Variants in PKLR observed in about 807,000 individuals in gnomAD.
PKLR encodes the protein pyruvate kinase PKLR.
Under a neutral mutation model 53.6 loss-of-function variants are expected in PKLR, and 38 were observed. That is an observed-to-expected ratio of 0.71 (90% CI 0.55 to 0.93). The LOEUF is 0.93. PKLR is among the 40% of genes least tolerant of loss of function. PKLR has a pLI of 0.00. For synonymous variants in PKLR, 328 were observed against 316.2 expected, an observed-to-expected ratio of 1.04 and a Z score of -0.39; for missense variants, 702 against 787.3, an observed-to-expected ratio of 0.89 and a Z score of 1.30.
chr1:155,297,756 A>G (rs111738373), intron 2 of PKLR, among the ~76,000 whole-genome samples: 10 of 152,150 alleles, frequency 6.6e-5, no homozygotes, highest in African/African-American at 2.4e-4. Context: ...CTGTCCGTAC[A>G]CAGTCTCTTC....
intron 1 of PKLR, chr1:155,301,043 G>A (rs1194304847): frequency 6.5e-7 from 1 of 1,543,930 alleles, no homozygotes; most frequent in Non-Finnish European, 8.8e-7. Context: ...CTGTATGCCA[G>A]GGGCCAGAGT....
chr1:155,302,371 G>A (rs1477632734), upstream of PKLR, among the ~76,000 whole-genome samples: 5 of 151,764 alleles, frequency 3.3e-5, no homozygotes, highest in East Asian at 9.7e-4. Context: ...TGAGTAGCTG[G>A]GATTACAGGC....
At chr1:155,300,323 T>A in intron 1 of PKLR, 43 bp from the exon 2 acceptor site, 1 of 1,502,388 alleles carries the variant, frequency 6.7e-7, no homozygotes, top group Non-Finnish European at 9.1e-7. Context: ...CACCTGCCCT[T>A]CCTCCCCATG....
rs1674485712 is a variant in PKLR, at chr1:155,290,576, G to A, written c.1721C>T (p.Ser574Phe). ...YTNIMRVLSI[S>F] ...GCCAGAGGAGGGAGGGGCGTCTCAG[G>A]ATATGCTTAGCACCCGCATGATGTT... Residue 574 changes from serine to phenylalanine, a missense_variant, in exon 11 of 11, where the codon TCC (serine) becomes TTC (phenylalanine). Physicochemically the swap from Ser to Phe is radical, Grantham distance 155. Around this residue, in one of 2 missense-constraint regions of PKLR, gnomAD observed 183 missense variants for 250.2 expected, o/e 0.73. Transcript: ENST00000342741. The A allele has an allele frequency of 6.3e-7, 1 of 1,598,990 alleles. No individual in the cohort carries two copies. Among genetic ancestry groups the A allele is most frequent in the East Asian group, 2.2e-5 (1 of 44,766 alleles).
chr1:155,290,222 T>C lies in PKLR; in HGVS notation c.*350A>G, dbSNP rs539994036. 2 of 329,176 alleles carry C rather than the reference T, an allele frequency of 6.1e-6. No homozygotes were observed. Among genetic ancestry groups the C allele is most frequent in the Admixed American group, 4.2e-5 (1 of 23,954 alleles). 20.4% of individuals were successfully genotyped at this position (329,176 alleles called of 1,614,324 possible). ...CTCTCCCCCACCCCAAGGGATGGGA[T>C]GCCTGGGGTTATGGAATTAACCAGC... On this transcript the variant is annotated 3_prime_UTR_variant, in exon 11 of 11. Coordinates refer to ENST00000342741, the MANE Select transcript of PKLR (RefSeq NM_000298.6).
intron 10 of PKLR, 103 bp from the exon 11 acceptor site, chr1:155,290,781 G>A (rs758027141): frequency 1.9e-5 from 14 of 739,976 alleles, no homozygotes; most frequent in African/African-American, 1.0e-4. Flanking sequence ...CTGAGGTCAG[G>A]AGTTTGAGAC....
upstream of PKLR, among the ~76,000 whole-genome samples, chr1:155,303,922 G>A (rs904021965): frequency 2.6e-5 from 4 of 152,158 alleles, no homozygotes; most frequent in East Asian, 1.9e-4. Flanking sequence ...CCATGGCGGC[G>A]GGGCGGGGGC....
intron 1 of PKLR, chr1:155,300,971 C>T: frequency 6.4e-7 from 1 of 1,568,086 alleles, no homozygotes. Context: ...CCCAGCTGGG[C>T]TGGGGATCAG....
At chr1:155,300,988 A>G in intron 1 of PKLR, 1 of 1,557,200 alleles carries the variant, frequency 6.4e-7, no homozygotes, top group Non-Finnish European at 8.7e-7. Context: ...TCAGTTCTGC[A>G]GACTGGTTAA....
At position 155,291,986 on chromosome 1, in the gene PKLR, C is replaced by T. The variant is rs3762272; in HGVS notation, c.1437-49G>A. ...CCCAGAACAGCAAGAAAGTGGTGAA[C>T]GAGGAAAGGAGAATCTTTGTTCCAG... On this transcript the variant is annotated intron_variant, in intron 9 of 10. Transcript: ENST00000342741. The T allele has an allele frequency of 0.056, 87,167 of 1,563,796 alleles. 15,901 individuals carry two copies. The East Asian group carries it at 0.7, about 13-fold the overall frequency.
At position 155,300,266 on chromosome 1, in the gene PKLR, G is replaced by T; in HGVS notation, c.115C>A (p.Leu39Met). The change falls in exon 2 of 11, where the codon CTG (leucine) becomes ATG (methionine). Residue 39 changes from leucine to methionine, a missense_variant. Around this residue, in one of 2 missense-constraint regions of PKLR, gnomAD observed 519 missense variants for 537.1 expected, o/e 0.97. Transcript: ENST00000342741. ...AGTTGGGCCACACTGGCCCGCCGCAGATACCCCGCTGGCCCTGTGGTAGAA... is the reference window on the plus strand; with the variant it reads ...AGTTGGGCCACACTGGCCCGCCGCATATACCCCGCTGGCCCTGTGGTAGAA... Reference protein sequence around the residue: ...IGAPGGPAGYLRRASVAQLTQ... With the variant: ...IGAPGGPAGYMRRASVAQLTQ... The T allele has an allele frequency of 1.3e-6, 2 of 1,596,992 alleles. No homozygotes were observed. The highest frequency in any genetic ancestry group is 1.7e-6 in the Non-Finnish European group (2 of 1,172,090).
In PKLR at chr1:155,295,987, C is replaced by G. The variant is rs182661557; in HGVS notation, c.284-231G>C. Among the ~76,000 whole-genome samples the G allele has an allele frequency of 3.8e-3, 580 of 152,202 alleles. 3 individuals carry two copies. Among genetic ancestry groups the G allele is most frequent in the Middle Eastern group, 0.037 (11 of 294 alleles). On this transcript the variant is annotated intron_variant, in intron 2 of 10. Coordinates refer to ENST00000342741, the MANE Select transcript of PKLR (RefSeq NM_000298.6). This position sits in a 1 kb window ranked among gnomAD's most constrained non-coding sequence, Gnocchi z 4.3. The stretch of plus-strand genomic sequence containing the variant: ...GAAATCGGAGGGGAGTGCCCTCCGC[C>G]AGGCCTGAGGTCACTGTATGGGCAT...
the PKLR span, among the ~76,000 whole-genome samples, chr1:155,307,920 G>A: frequency 6.6e-6 from 1 of 152,236 alleles, no homozygotes; most frequent in South Asian, 2.1e-4. Flanking sequence ...TGGAATTAAG[G>A]CGCGGACCAG....
At chr1:155,302,202 C>T (rs188320697), upstream of PKLR, among the ~76,000 whole-genome samples, 1 of 151,150 alleles carries the variant, frequency 6.6e-6, no homozygotes, top group African/African-American at 2.4e-5. Flanking sequence ...ACCACCACAC[C>T]CAGCTAATTT....
At position 155,294,663 on chromosome 1, in the gene PKLR, G is replaced by T; in HGVS notation, c.784C>A (p.Pro262Thr). The stretch of plus-strand genomic sequence containing the variant: ...CGGACGTCCTGCTCGGACAGCCCGG[G>T]CAAGTCCACCTGGGCCCCTGGCAAG... ...VNLPGAQVDL[P>T]GLSEQDVRDL... The change falls in exon 6 of 11, where the codon CCC (proline) becomes ACC (threonine). Residue 262 changes from proline to threonine, a missense_variant. Physicochemically the swap from Pro to Thr is conservative, Grantham distance 38. Coordinates refer to ENST00000342741, the MANE Select transcript of PKLR (RefSeq NM_000298.6). 1 of 1,614,120 alleles carries T rather than the reference G, an allele frequency of 6.2e-7. No homozygotes were observed. The highest frequency in any genetic ancestry group is 8.5e-7 in the Non-Finnish European group (1 of 1,180,034).
At position 155,300,199 on chromosome 1, in the gene PKLR, A is replaced by AGCT; in HGVS notation, c.179_181dup (p.Gln60dup). 3 of 1,613,622 alleles carry AGCT rather than the reference A, an allele frequency of 1.9e-6. No individual in the cohort carries two copies. Among genetic ancestry groups the AGCT allele is most frequent in the Non-Finnish European group, 2.5e-6 (3 of 1,179,812 alleles). On this transcript the variant is annotated inframe_insertion, in exon 2 of 11. Coordinates refer to ENST00000342741, the MANE Select transcript of PKLR (RefSeq NM_000298.6). ...GAAGGTGTCTGCCATAGCAGCTGGC[A>AGCT]GCTGCTGCTGCTGGAAGAAGGCAGT...
chr1:155,294,492 C>T lies in PKLR; in HGVS notation c.955G>A (p.Gly319Ser), dbSNP rs1171765666. Reference protein sequence around the residue: ...KIISKIENHEGVKRFDEILEV... With the variant: ...KIISKIENHESVKRFDEILEV... ...GAGCCCAAGCCTCACCTCTTCACGC[C>T]TTCGTGGTTCTCAATTTTGCTGATG... The change falls in exon 6 of 11, where the codon GGC becomes AGC. Residue 319 changes from glycine to serine, a missense_variant. Physicochemically the swap from Gly to Ser is moderately conservative, Grantham distance 56. Transcript: ENST00000342741. The T allele has an allele frequency of 1.2e-6, 2 of 1,614,136 alleles. No homozygotes were observed. The highest frequency in any genetic ancestry group is 1.1e-5 in the South Asian group (1 of 91,096).
chr1:155,304,995 G>A (rs1648193878), upstream of PKLR, among the ~76,000 whole-genome samples: 1 of 152,160 alleles, frequency 6.6e-6, no homozygotes, highest in South Asian at 2.1e-4. Flanking sequence ...TTGCACAGTG[G>A]CGTCTGTAGG....
chr1:155,293,084 C>A lies in PKLR; in HGVS notation c.1436+93G>T. 2 of 1,313,746 alleles carry A rather than the reference C, an allele frequency of 1.5e-6. No individual in the cohort carries two copies. Among genetic ancestry groups the A allele is most frequent in the Non-Finnish European group, 2.2e-6 (2 of 906,780 alleles). 81.4% of individuals were successfully genotyped at this position (1,313,746 alleles called of 1,614,324 possible). A position where few individuals can be genotyped will look rare whatever the true frequency, so the allele number is the denominator to read the frequency against. ...TCTTGTCTCAGGTGGACACTCTTCACCCCTGGTGACCAGACTAAACCCAAG... is the reference window on the plus strand; with the variant it reads ...TCTTGTCTCAGGTGGACACTCTTCAACCCTGGTGACCAGACTAAACCCAAG... On this transcript the variant is annotated intron_variant, in intron 9 of 10. Coordinates refer to ENST00000342741, the MANE Select transcript of PKLR (RefSeq NM_000298.6). This position sits in a 1 kb window ranked among gnomAD's most constrained non-coding sequence, Gnocchi z 4.2.
Sources: gnomAD v4.1 joint callset for allele counts (sites outside exome capture counted in the v4.1 genomes callset) on GRCh38, gnomAD v4.1.1 for gene constraint, gnomAD v4.1.1 regional missense constraint, Gnocchi (gnomAD v3.1) non-coding constraint, MANE v1.5 for transcripts, NCBI Gene and HGNC (gene_info 2026-07-23, HGNC 2026-07-21) for gene names.